The following MARCO variants were observed in gnomAD, a reference collection of about 807,000 sequenced individuals.
The protein encoded by MARCO is macrophage receptor with collagenous structure, also known as macrophage receptor MARCO.
A neutral mutation model predicts 70.0 loss-of-function variants in MARCO; 72 were observed. The observed-to-expected ratio is 1.03, with a 90% CI of 0.85 to 1.25. MARCO has a LOEUF of 1.25. Ranked by LOEUF, MARCO falls within the 50% of genes most tolerant of loss-of-function variation. The pLI, the probability that MARCO is intolerant of heterozygous loss-of-function variation, is 0.00. For missense variants in MARCO, 696 were observed against 659.3 expected, an observed-to-expected ratio of 1.06 and a Z score of -0.61; for synonymous variants, 273 against 243.1, an observed-to-expected ratio of 1.12 and a Z score of -1.14.
At chr2:118,959,757 T>C (rs536661470) in intron 1 of MARCO, among the ~76,000 whole-genome samples, 2 of 152,260 alleles carry the variant, frequency 1.3e-5, no homozygotes, top group African/African-American at 4.8e-5. Flanking sequence ...GAAACTGTGG[T>C]GTATATATGA....
intron 12 of MARCO, among the ~76,000 whole-genome samples, chr2:118,984,216 A>C (rs532132513): frequency 6.6e-6 from 1 of 152,344 alleles, no homozygotes; most frequent in South Asian, 2.1e-4. Flanking sequence ...CAGTTCAGAA[A>C]GGATCAGAGC....
intron 8 of MARCO, among the ~76,000 whole-genome samples, chr2:118,980,674 G>A (rs549914126): frequency 6.6e-6 from 1 of 152,324 alleles, no homozygotes; most frequent in Admixed American, 6.5e-5. Context: ...CCCCAGGGGA[G>A]TGGAGTTGAG....
chr2:118,979,763 C>G (rs1212959902), intron 8 of MARCO, among the ~76,000 whole-genome samples: 2 of 152,210 alleles, frequency 1.3e-5, no homozygotes, highest in Non-Finnish European at 2.9e-5. Context: ...ATCATGAGGT[C>G]TCTCTTACCC....
intron 1 of MARCO, among the ~76,000 whole-genome samples, chr2:118,946,288 T>C (rs1194679928): frequency 6.6e-6 from 1 of 152,142 alleles, no homozygotes; most frequent in Non-Finnish European, 1.5e-5. Context: ...TATATAGTTG[T>C]ACCAATTCTA....
intron 1 of MARCO, among the ~76,000 whole-genome samples, chr2:118,967,591 C>T (rs569229479): frequency 9.9e-5 from 15 of 152,016 alleles, no homozygotes; most frequent in African/African-American, 1.7e-4. Flanking sequence ...TGAGTATAAT[C>T]GAGTACCACT....
intron 1 of MARCO, among the ~76,000 whole-genome samples, chr2:118,945,356 C>CA (rs1679575106): frequency 6.6e-6 from 1 of 151,348 alleles, no homozygotes; most frequent in African/African-American, 2.4e-5. Flanking sequence ...CCTAACAAGA[C>CA]AAGCACTTGT....
At chr2:118,949,124 G>A (rs143246070) in intron 1 of MARCO, among the ~76,000 whole-genome samples, 1 of 152,288 alleles carries the variant, frequency 6.6e-6, no homozygotes, top group East Asian at 1.9e-4. Context: ...GATCCGCAGG[G>A]TGTTGAACTT....
chr2:118,969,296 G>T (rs372419831), intron 2 of MARCO, 35 bp downstream of exon 2: 43 of 1,565,840 alleles, frequency 2.7e-5, no homozygotes, highest in African/African-American at 1.2e-4. Context: ...GTCCCTCCTG[G>T]GGGGAGAGGG....
At position 118,969,240 on chromosome 2, in the gene MARCO, G is replaced by T. The variant is rs535947483; in HGVS notation, c.178G>T (p.Ala60Ser). Residue 60 changes from alanine to serine, a missense_variant, in exon 2 of 17, where the codon GCT (alanine) becomes TCT (serine). Transcript: ENST00000327097. The stretch of plus-strand genomic sequence containing the variant: ...CTACCTGATCCTGCTCACCGCTGGC[G>T]CTGGGCTGCTGGTGGTCCAAGGTAA... Reference protein sequence around the residue: ...VIYLILLTAGAGLLVVQVLNL... With the variant: ...VIYLILLTAGSGLLVVQVLNL... The T allele has an allele frequency of 3.1e-6, 5 of 1,614,006 alleles. No homozygotes were observed. The highest frequency in any genetic ancestry group is 4.2e-6 in the Non-Finnish European group (5 of 1,179,950).
Position 118,981,616 on chromosome 2 carries a change from C to A in MARCO, c.866-5C>A. 1 of 1,607,604 alleles carries A rather than the reference C, an allele frequency of 6.2e-7. No individual in the cohort carries two copies. Among genetic ancestry groups the A allele is most frequent in the Non-Finnish European group, 8.5e-7 (1 of 1,177,498 alleles). ...AAAATTCCTAAAAGTTCTTTTTCAT[C>A]TTAGGTTTGGCTGGTTTTCCTGGAG... On this transcript the variant is annotated splice_polypyrimidine_tract_variant and splice_region_variant and intron_variant, in intron 9 of 16. Transcript: ENST00000327097.
intron 6 of MARCO, among the ~76,000 whole-genome samples, chr2:118,975,981 G>A (rs182346382): frequency 4.2e-4 from 64 of 152,284 alleles, no homozygotes; most frequent in African/African-American, 1.5e-3. Flanking sequence ...AGAGGGGAGT[G>A]GGTCTCCCTC....
chr2:118,953,206 C>T (rs2104553281), intron 1 of MARCO, among the ~76,000 whole-genome samples: 1 of 152,316 alleles, frequency 6.6e-6, no homozygotes, highest in Non-Finnish European at 1.5e-5. Context: ...AAGGAAGGGG[C>T]ATAGGCTGTG....
At chr2:118,954,895 G>A (rs756209609) in intron 1 of MARCO, among the ~76,000 whole-genome samples, 33 of 152,152 alleles carry the variant, frequency 2.2e-4, no homozygotes, top group Middle Eastern at 6.8e-3. Flanking sequence ...GGAACACCCC[G>A]TGGGACAAAA....
intron 1 of MARCO, among the ~76,000 whole-genome samples, chr2:118,961,867 C>A (rs912682844): frequency 6.6e-5 from 10 of 152,124 alleles, no homozygotes; most frequent in African/African-American, 2.4e-4. Flanking sequence ...ACATTTAAGT[C>A]TTTAATCCAT....
intron 12 of MARCO, among the ~76,000 whole-genome samples, chr2:118,986,656 G>GAAA (rs1558671646): frequency 0.022 from 601 of 27,928 alleles, 5 homozygotes; most frequent in South Asian, 0.028. Flanking sequence ...AAAGAAAGAA[G>GAAA]GAAGGAAGGA....
chr2:118,993,844 G>A (rs966466055), intron 16 of MARCO, among the ~76,000 whole-genome samples: 1 of 152,196 alleles, frequency 6.6e-6, no homozygotes, highest in African/African-American at 2.4e-5. Context: ...ATATCTTTCA[G>A]CCAAAAGTTC....
Position 118,981,768 on chromosome 2 carries a change from A to C in MARCO, c.901+112A>C, listed in dbSNP as rs561809939. 7.9e-6 allele frequency: 9 copies of C among 1,137,498 alleles called. No homozygotes were observed. The South Asian group carries it at 9.3e-5, about 12-fold the overall frequency. 70.5% of individuals were successfully genotyped at this position (1,137,498 alleles called of 1,614,324 possible). A position where few individuals can be genotyped will look rare whatever the true frequency, so the allele number is the denominator to read the frequency against. On this transcript the variant is annotated intron_variant, in intron 10 of 16. Coordinates refer to ENST00000327097, the MANE Select transcript of MARCO (RefSeq NM_006770.4). ...CTTCATTGTAGTATTCACCCAGAACACCTGGGGTTTTTTAGACATCTGGCC... is the reference window on the plus strand; with the variant it reads ...CTTCATTGTAGTATTCACCCAGAACCCCTGGGGTTTTTTAGACATCTGGCC...
At chr2:118,967,327 A>C (rs1680071593) in intron 1 of MARCO, among the ~76,000 whole-genome samples, 1 of 152,228 alleles carries the variant, frequency 6.6e-6, no homozygotes, top group Non-Finnish European at 1.5e-5. Flanking sequence ...CCAAGTCAGA[A>C]GAATGCCACC....
rs934054668 is a variant in MARCO at position 118,963,315 on chromosome 2, T to TA, written c.98-5841dup. On this transcript the variant is annotated intron_variant, in intron 1 of 16. Coordinates refer to ENST00000327097, the MANE Select transcript of MARCO (RefSeq NM_006770.4). ...TTTCATTTCCTTTCATTTGTATTTT[T>TA]AAAATTTTTTTGATGCTTTCTTAAT... 1.5e-4 allele frequency among the ~76,000 whole-genome samples: 21 copies of TA among 144,230 alleles called. 1 individual carries two copies. The East Asian group carries it at 3.1e-3, about 21-fold the overall frequency. 94.6% of individuals were successfully genotyped at this position (144,230 alleles called of 152,430 possible).
Sources: gnomAD v4.1 joint callset for allele counts (sites outside exome capture counted in the v4.1 genomes callset) on GRCh38, gnomAD v4.1.1 for gene constraint, MANE v1.5 for transcripts, NCBI Gene and HGNC (gene_info 2026-07-23, HGNC 2026-07-21) for gene names.